SORCS2: variants seen among roughly 807,000 people sequenced by gnomAD.
SORCS2 encodes VPS10 domain-containing receptor SorCS2.
In SORCS2, 100 loss-of-function variants were observed where a neutral mutation model predicts 141.6. The ratio of observed to expected loss-of-function variants is 0.71; its 90% CI spans 0.60 to 0.83. SORCS2 has a LOEUF of 0.83. Among genes scored for constraint, SORCS2 ranks in the 40% least tolerant of loss-of-function variants. The probability of loss-of-function intolerance (pLI) is 0.00; values close to 1 mark genes in which losing one functional copy is unlikely to be tolerated. For synonymous variants in SORCS2, 789 were observed against 676.9 expected, an observed-to-expected ratio of 1.17 and a Z score of -2.57; for missense variants, 1,646 against 1,560.2, an observed-to-expected ratio of 1.05 and a Z score of -0.93.
At chr4:7,244,953 G>T (rs189574569) in intron 1 of SORCS2, among the ~76,000 whole-genome samples, 37 of 152,300 alleles carry the variant, frequency 2.4e-4, no homozygotes, top group Non-Finnish European at 3.7e-4. Flanking sequence ...TGAGAAGTGG[G>T]CAGTTGGAAG....
intron 1 of SORCS2, among the ~76,000 whole-genome samples, chr4:7,381,344 G>A (rs956648755): frequency 5.9e-5 from 9 of 152,182 alleles, no homozygotes; most frequent in African/African-American, 1.9e-4. Context: ...GCTGGAGGGC[G>A]GAGCACAGAG....
intron 1 of SORCS2, among the ~76,000 whole-genome samples, chr4:7,380,599 C>T (rs1280396625): frequency 6.6e-6 from 1 of 152,246 alleles, no homozygotes; most frequent in African/African-American, 2.4e-5. Context: ...TTCCGTCATC[C>T]TCTGCTGACC....
chr4:7,391,338 G>C (rs1723850833), intron 1 of SORCS2, among the ~76,000 whole-genome samples: 1 of 152,200 alleles, frequency 6.6e-6, no homozygotes, highest in African/African-American at 2.4e-5. Flanking sequence ...ATGCCGTTGT[G>C]GGTCCGAGGC....
intron 2 of SORCS2, among the ~76,000 whole-genome samples, chr4:7,422,527 TC>T (rs1329206375): frequency 6.6e-6 from 1 of 152,086 alleles, no homozygotes; most frequent in Non-Finnish European, 1.5e-5. Context: ...GCTGTGCAAG[TC>T]AGAGCTGGGG....
intron 3 of SORCS2, among the ~76,000 whole-genome samples, chr4:7,534,647 G>A (rs1477905189): frequency 6.6e-6 from 1 of 152,180 alleles, no homozygotes; most frequent in Non-Finnish European, 1.5e-5. Flanking sequence ...CCTGCAGGGG[G>A]AGCTGGGAGA....
rs1195786283 is a variant in SORCS2, at chr4:7,201,729, CT to C, written c.480+8605del. 1.3e-5 allele frequency among the ~76,000 whole-genome samples: 2 copies of C among 152,172 alleles called. No individual in the cohort carries two copies. The highest frequency in any genetic ancestry group is 4.8e-5 in the African/African-American group (2 of 41,438). On this transcript the variant is annotated intron_variant, in intron 1 of 26. Transcript: ENST00000507866. The surrounding 1 kb of genome is among the most constrained non-coding windows in gnomAD (Gnocchi z 4.4). ...CCAAAGGATGAGTTATTTATAGGTT[CT>C]TACGAATGGCCCACTTTGTCCTCGC...
intron 13 of SORCS2, among the ~76,000 whole-genome samples, chr4:7,703,750 G>GA (rs994831039): frequency 9.9e-5 from 15 of 152,228 alleles, no homozygotes; most frequent in Admixed American, 2.0e-4. Flanking sequence ...CCGTCGTGGG[G>GA]AAGGGAGGGC....
At chr4:7,732,426 G>A (rs895577273) in intron 23 of SORCS2, among the ~76,000 whole-genome samples, 4 of 152,120 alleles carry the variant, frequency 2.6e-5, no homozygotes, top group African/African-American at 4.8e-5. Context: ...CCTCTGCGCC[G>A]GGCACCTCAC....
rs531618621 is a variant in SORCS2 at position 7,395,536 on chromosome 4, C to G, written c.481-752C>G. 1.7e-4 allele frequency among the ~76,000 whole-genome samples: 26 copies of G among 152,278 alleles called. No homozygotes were observed. The South Asian group carries it at 3.9e-3, about 23-fold the overall frequency. ...CCGGTGCATCCTTATTCCCCACCCC[C>G]CAACTTTTTTTGTTTACACAGTTAT... On this transcript the variant is annotated intron_variant, in intron 1 of 26. Transcript: ENST00000507866.
chr4:7,205,370 A>G (rs1459685645), intron 1 of SORCS2, among the ~76,000 whole-genome samples: 2 of 152,272 alleles, frequency 1.3e-5, no homozygotes, highest in South Asian at 2.1e-4. Context: ...TATAATTAGC[A>G]TAAAACAAAG....
intron 3 of SORCS2, among the ~76,000 whole-genome samples, chr4:7,614,247 C>G (rs187697281): frequency 6.7e-6 from 1 of 149,918 alleles, no homozygotes; most frequent in Non-Finnish European, 1.5e-5. Context: ...TCCACCTATC[C>G]GTCCACCCAT....
intron 1 of SORCS2, among the ~76,000 whole-genome samples, chr4:7,281,044 G>A (rs575874505): frequency 3.9e-5 from 6 of 152,282 alleles, no homozygotes; most frequent in South Asian, 2.1e-4. Context: ...AATGCGAGTC[G>A]CGTGTCTGAA....
intron 2 of SORCS2, among the ~76,000 whole-genome samples, chr4:7,527,700 G>A (rs1309655826): frequency 6.6e-6 from 1 of 152,190 alleles, no homozygotes; most frequent in East Asian, 1.9e-4. Context: ...CCCCCACCAG[G>A]TGAAGTCAGC....
At chr4:7,244,699 C>T (rs945095879) in intron 1 of SORCS2, among the ~76,000 whole-genome samples, 3 of 152,238 alleles carry the variant, frequency 2.0e-5, no homozygotes, top group Non-Finnish European at 2.9e-5. Flanking sequence ...CTGACACTCT[C>T]ACCCATTCCT....
In SORCS2 at chr4:7,676,928, CTCCCTCTCTCCCTCTCTCCCTCTGCCTT is replaced by C. The variant is rs869129297; in HGVS notation, c.1341+700_1341+727del. Among the ~76,000 whole-genome samples the C allele has an allele frequency of 2.0e-3, 114 of 56,384 alleles. 14 individuals carry two copies. The highest frequency in any genetic ancestry group is 2.9e-3 in the Non-Finnish European group (70 of 24,340). The allele number at this position is 56,384 out of a possible 152,430, so 37.0% of individuals were successfully genotyped here. ...TCTCCCTCTCTCCCTCTCTCCCTCT[CTCCCTCTCTCCCTCTCTCCCTCTGCCTT>C]CCTCTCTCCACCCCAGCCCCTTCAT... On this transcript the variant is annotated intron_variant, in intron 9 of 26. Coordinates refer to ENST00000507866, the MANE Select transcript of SORCS2 (RefSeq NM_020777.3).
At chr4:7,518,328 A>G (rs1356342363) in intron 2 of SORCS2, among the ~76,000 whole-genome samples, 1 of 152,094 alleles carries the variant, frequency 6.6e-6, no homozygotes, top group African/African-American at 2.4e-5. Context: ...CTGGTCTGTA[A>G]CTTGGCGGCT....
At chr4:7,296,192 G>A (rs1454601282) in intron 1 of SORCS2, among the ~76,000 whole-genome samples, 5 of 152,340 alleles carry the variant, frequency 3.3e-5, no homozygotes, top group East Asian at 1.9e-4. Context: ...CCTCTGGGGT[G>A]CCCCCATCTT....
At position 7,539,603 on chromosome 4, in the gene SORCS2, CTCTG is replaced by C. The variant is rs1223220020; in HGVS notation, c.648+7978_648+7981del. On this transcript the variant is annotated intron_variant, in intron 3 of 26. Coordinates refer to ENST00000507866, the MANE Select transcript of SORCS2 (RefSeq NM_020777.3). ...CTTCCTTCTCTTTGTCTCTCACTCTCTCTGTCTCACTCTCTTCCCTCCACTCTGA... is the reference window on the plus strand; with the variant it reads ...CTTCCTTCTCTTTGTCTCTCACTCTCTCTCACTCTCTTCCCTCCACTCTGA... Among the ~76,000 whole-genome samples the C allele has an allele frequency of 2.0e-5, 3 of 152,298 alleles. No homozygotes were observed. In the East Asian group the frequency reaches 5.8e-4, roughly 29 times the overall value.
chr4:7,671,417 A>T (rs1360591994), intron 8 of SORCS2, among the ~76,000 whole-genome samples: 1 of 152,192 alleles, frequency 6.6e-6, no homozygotes, highest in African/African-American at 2.4e-5. Context: ...AGACTTCAAT[A>T]TGAGTGTCTT....
Sources: gnomAD v4.1 joint callset for allele counts (sites outside exome capture counted in the v4.1 genomes callset) on GRCh38, gnomAD v4.1.1 for gene constraint, Gnocchi (gnomAD v3.1) non-coding constraint, MANE v1.5 for transcripts, NCBI Gene and HGNC (gene_info 2026-07-23, HGNC 2026-07-21) for gene names.